RHOBTB2: variants seen among roughly 807,000 people sequenced by gnomAD.
The protein encoded by RHOBTB2 is Rho related BTB domain containing 2, also known as rho-related BTB domain-containing protein 2.
A neutral mutation model predicts 66.5 loss-of-function variants in RHOBTB2; 39 were observed. That is an observed-to-expected ratio of 0.59 (90% confidence interval 0.45 to 0.77). The LOEUF is 0.77. Ranked by LOEUF, RHOBTB2 falls within the 30% of genes least tolerant of loss-of-function variation. The probability of loss-of-function intolerance (pLI) is 0.00; values close to 1 mark genes in which losing one functional copy is unlikely to be tolerated. For synonymous variants in RHOBTB2, 390 were observed against 395.0 expected (o/e 0.99, Z 0.15); for missense variants, 755 against 999.1 (o/e 0.76, Z 3.29).
chr8:22,995,966 C>T (rs894779826), upstream of RHOBTB2: 30 of 1,337,048 alleles, frequency 2.2e-5, no homozygotes, highest in South Asian at 1.1e-4. Flanking sequence ...CTGAGCCAGG[C>T]GGTCTGCGTT....
At chr8:22,999,393 C>T (rs951048845), upstream of RHOBTB2, among the ~76,000 whole-genome samples, 5 of 152,018 alleles carry the variant, frequency 3.3e-5, no homozygotes, top group Non-Finnish European at 7.4e-5. Flanking sequence ...GAGACCCTCC[C>T]CGCGGCGTCG....
At chr8:23,002,050 C>T (rs1007421893) in intron 1 of RHOBTB2, among the ~76,000 whole-genome samples, 1 of 152,198 alleles carries the variant, frequency 6.6e-6, no homozygotes, top group African/African-American at 2.4e-5. Context: ...GCATTATTCT[C>T]ACTGTCAAGG....
chr8:22,975,745 AG>A, the RHOBTB2 span, among the ~76,000 whole-genome samples: 28 of 152,230 alleles, frequency 1.8e-4, no homozygotes, highest in South Asian at 6.2e-4. Context: ...GGCAAGAAAG[AG>A]GGAACCAGTC....
the RHOBTB2 span, among the ~76,000 whole-genome samples, chr8:22,981,613 C>T: frequency 1.3e-5 from 2 of 152,166 alleles, no homozygotes; most frequent in East Asian, 3.8e-4. Flanking sequence ...GTCCAGGCTT[C>T]TTCTGTGGGG....
upstream of RHOBTB2, among the ~76,000 whole-genome samples, chr8:22,999,375 C>A (rs1034894316): frequency 6.6e-6 from 1 of 152,130 alleles, no homozygotes; most frequent in Non-Finnish European, 1.5e-5. Flanking sequence ...CACCCAGACC[C>A]GCGAGCCGAG....
chr8:22,972,927 G>C, the RHOBTB2 span, among the ~76,000 whole-genome samples: 1 of 152,284 alleles, frequency 6.6e-6, no homozygotes, highest in South Asian at 2.1e-4. Context: ...CAGCCATCCT[G>C]CGATGGGTGC....
At chr8:23,012,491 G>A (rs1035749814) in intron 7 of RHOBTB2, among the ~76,000 whole-genome samples, 5 of 152,208 alleles carry the variant, frequency 3.3e-5, no homozygotes, top group Non-Finnish European at 7.3e-5. Context: ...TATAATTGGC[G>A]ATGGTTTAAG....
At chr8:23,016,528 C>T (rs1811296303) in intron 9 of RHOBTB2, among the ~76,000 whole-genome samples, 1 of 152,140 alleles carries the variant, frequency 6.6e-6, no homozygotes, top group African/African-American at 2.4e-5. Context: ...TCTCATGCCT[C>T]AGCCTCCCGG....
At chr8:23,015,794 T>A in intron 9 of RHOBTB2, 51 bp downstream of exon 9, 1 of 1,269,408 alleles carries the variant, frequency 7.9e-7, no homozygotes, top group Non-Finnish European at 1.1e-6. Flanking sequence ...CCCTTAGGGG[T>A]GCACAGCTCC....
At chr8:22,986,265 C>CTTT (rs33995780), upstream of RHOBTB2, among the ~76,000 whole-genome samples, 7 of 84,984 alleles carry the variant, frequency 8.2e-5, no homozygotes, top group Admixed American at 1.5e-4. Flanking sequence ...CAGTGCATTG[C>CTTT]TTTTTTTTTT....
At chr8:23,015,370 A>G (rs935957170) in intron 8 of RHOBTB2, among the ~76,000 whole-genome samples, 1 of 152,128 alleles carries the variant, frequency 6.6e-6, no homozygotes, top group African/African-American at 2.4e-5. Flanking sequence ...AAGCCACTAC[A>G]TAGGGCTCTG....
chr8:22,965,450 C>G, the RHOBTB2 span, among the ~76,000 whole-genome samples: 1 of 152,096 alleles, frequency 6.6e-6, no homozygotes, highest in African/African-American at 2.4e-5. Flanking sequence ...CATATAGAAT[C>G]TCAGGGGACC....
chr8:22,991,794 C>T (rs923433283), intron 1 of RHOBTB2, among the ~76,000 whole-genome samples: 41 of 152,320 alleles, frequency 2.7e-4, no homozygotes, highest in African/African-American at 9.6e-4. Flanking sequence ...AGAACCACAG[C>T]CCTTCCCAGG....
intron 7 of RHOBTB2, among the ~76,000 whole-genome samples, chr8:23,010,946 G>C (rs1218713334): frequency 6.6e-6 from 1 of 152,178 alleles, no homozygotes; most frequent in Non-Finnish European, 1.5e-5. Context: ...AATGGAACAT[G>C]AGGCTGGGCA....
chr8:23,009,500 G>A (rs757325137), intron 6 of RHOBTB2, among the ~76,000 whole-genome samples: 3 of 152,278 alleles, frequency 2.0e-5, no homozygotes, highest in East Asian at 3.9e-4. Context: ...TTGTGCAGGC[G>A]CGTGGAGTTC....
At chr8:22,974,096 G>T in the RHOBTB2 span, among the ~76,000 whole-genome samples, 1 of 152,248 alleles carries the variant, frequency 6.6e-6, no homozygotes, top group Admixed American at 6.5e-5. Flanking sequence ...TCCAGAACGG[G>T]CCCAGCTCCC....
rs868170110 is a variant in RHOBTB2 at position 23,005,295 on chromosome 8, G to A, written c.193-77G>A. On this transcript the variant is annotated intron_variant, in intron 2 of 9. Coordinates refer to ENST00000251822, the MANE Select transcript of RHOBTB2 (RefSeq NM_015178.3). ...TGTCTGGGGCCCCCAGGTGTCAGCC[G>A]GCGCTTATCCTGAGGTGGCACGCAG... is the stretch of plus-strand genomic sequence containing the variant. 3.9e-5 allele frequency: 42 copies of A among 1,083,316 alleles called. 1 individual carries two copies. The Middle Eastern group carries it at 2.2e-3, about 56-fold the overall frequency. The allele number at this position is 1,083,316 out of a possible 1,614,324, so 67.1% of individuals were successfully genotyped here. A position where few individuals can be genotyped will look rare whatever the true frequency, so the allele number is the denominator to read the frequency against.
intron 7 of RHOBTB2, 136 bp downstream of exon 7, chr8:23,010,824 G>A: frequency 1.0e-6 from 1 of 990,834 alleles, no homozygotes; most frequent in Non-Finnish European, 1.5e-6. Flanking sequence ...AATGGAATCT[G>A]TTGACGGGCA....
rs1196332458 is a variant in RHOBTB2, at chr8:23,006,056, C to T, written c.393C>T (p.Pro131=). The part of the protein sequence containing the change: ...MWYPEIKHFC[P]RAPVILVGCQ... ...ACCCAGAAATCAAGCACTTCTGCCC[C>T]CGAGCACCTGTCATCTTGGTGGGCT... The change falls in exon 4 of 10, where the codon CCC becomes CCT. Residue 131 remains proline (P), a synonymous_variant. Coordinates refer to ENST00000251822, the MANE Select transcript of RHOBTB2 (RefSeq NM_015178.3). This position sits in a 1 kb window ranked among gnomAD's most constrained non-coding sequence, Gnocchi z 6.1. 1 of 1,614,100 alleles carries T rather than the reference C, an allele frequency of 6.2e-7. No homozygotes were observed. Among genetic ancestry groups the T allele is most frequent in the Non-Finnish European group, 8.5e-7 (1 of 1,179,998 alleles).
Sources: gnomAD v4.1 joint callset for allele counts (sites outside exome capture counted in the v4.1 genomes callset) on GRCh38, gnomAD v4.1.1 for gene constraint, Gnocchi (gnomAD v3.1) non-coding constraint, MANE v1.5 for transcripts, NCBI Gene and HGNC (gene_info 2026-07-23, HGNC 2026-07-21) for gene names.